The following PRPF6 variants were observed in gnomAD, a reference collection of about 807,000 sequenced individuals.
PRPF6 encodes pre-mRNA-processing factor 6.
A neutral mutation model predicts 118.3 loss-of-function variants in PRPF6; 42 were observed. The observed-to-expected ratio is 0.35, with a 90% CI of 0.28 to 0.46. The LOEUF (loss-of-function observed/expected upper bound fraction) is 0.46. Ranked by LOEUF, PRPF6 falls within the 20% of genes least tolerant of loss-of-function variation. PRPF6 has a pLI of 1.00. For synonymous variants in PRPF6, 481 were observed against 485.1 expected (o/e 0.99, Z 0.11); for missense variants, 662 against 1,255.7 (o/e 0.53, Z 7.15).
At chr20:64,006,980 C>T (rs915876212) in intron 9 of PRPF6, among the ~76,000 whole-genome samples, 1 of 152,234 alleles carries the variant, frequency 6.6e-6, no homozygotes, top group African/African-American at 2.4e-5. Context: ...CAGAACCATG[C>T]GTAAACCACA....
At chr20:63,993,757 CTTTTTTT>C (rs1042222409) in intron 4 of PRPF6, among the ~76,000 whole-genome samples, 1 of 143,724 alleles carries the variant, frequency 7.0e-6, no homozygotes, top group African/African-American at 2.5e-5. Flanking sequence ...TTTCTTTTTT[CTTTTTTT>C]TTTTGGAGGC....
At chr20:64,031,042 TA>T (rs2059311763) in intron 19 of PRPF6, among the ~76,000 whole-genome samples, 1 of 152,264 alleles carries the variant, frequency 6.6e-6, no homozygotes, top group Non-Finnish European at 1.5e-5. Flanking sequence ...TGCACACCCT[TA>T]CCTGGCCTCT....
chr20:64,017,726 C>G (rs929444708), intron 12 of PRPF6, among the ~76,000 whole-genome samples: 1 of 152,258 alleles, frequency 6.6e-6, no homozygotes, highest in African/African-American at 2.4e-5. Context: ...GCACTTACCT[C>G]TTATTTTTTT....
chr20:63,994,158 C>CTTTTTTT (rs1158030989), intron 4 of PRPF6, among the ~76,000 whole-genome samples: 1 of 138,382 alleles, frequency 7.2e-6, no homozygotes, highest in Non-Finnish European at 1.6e-5. Flanking sequence ...TTTTCTTTTT[C>CTTTTTTT]TTTTTTTTTT....
intron 3 of PRPF6, among the ~76,000 whole-genome samples, chr20:63,985,854 T>A (rs1165219088): frequency 6.6e-6 from 1 of 152,180 alleles, no homozygotes; most frequent in African/African-American, 2.4e-5. Flanking sequence ...CCAATTCTAC[T>A]CAGACTATTC....
At chr20:64,015,017 C>G (rs1280047106) in intron 11 of PRPF6, among the ~76,000 whole-genome samples, 1 of 152,076 alleles carries the variant, frequency 6.6e-6, no homozygotes, top group African/African-American at 2.4e-5. Context: ...TATTGAAATC[C>G]TTTGCCTACT....
intron 8 of PRPF6, among the ~76,000 whole-genome samples, chr20:64,000,396 G>A (rs1332658520): frequency 2.7e-5 from 4 of 146,596 alleles, no homozygotes; most frequent in African/African-American, 1.0e-4. Context: ...GGTGGAGGTT[G>A]CAGTGAGCTG....
chr20:64,000,273 G>C (rs928992869), intron 8 of PRPF6, among the ~76,000 whole-genome samples: 5 of 152,034 alleles, frequency 3.3e-5, no homozygotes. Context: ...TGGATCACTT[G>C]AGGTCAGGAG....
chr20:63,987,253 T>C (rs1271763494), intron 3 of PRPF6, among the ~76,000 whole-genome samples: 1 of 146,034 alleles, frequency 6.8e-6, no homozygotes, highest in Non-Finnish European at 1.5e-5. Context: ...ACGCCTGTAA[T>C]CACAGCCCTT....
rs139544838 is a variant in PRPF6, at chr20:64,011,189, C to T, written c.1306-96C>T. ...ATGGTTCTCGAGAGCTAAGAAAGAA[C>T]GTGGTGGCCAACGCTGGAGGGTGGG... is the stretch of plus-strand genomic sequence containing the variant. On this transcript the variant is annotated intron_variant, in intron 10 of 20. Transcript: ENST00000266079. The surrounding 1 kb of genome is among the most constrained non-coding windows in gnomAD (Gnocchi z 6.7). 9.3e-5 allele frequency: 101 copies of T among 1,083,818 alleles called. No homozygotes were observed. The highest frequency in any genetic ancestry group is 1.3e-4 in the Non-Finnish European group (92 of 720,806). 67.1% of individuals were successfully genotyped at this position (1,083,818 alleles called of 1,614,324 possible).
At chr20:64,015,735 A>G (rs1198178536) in intron 11 of PRPF6, among the ~76,000 whole-genome samples, 1 of 152,202 alleles carries the variant, frequency 6.6e-6, no homozygotes, top group East Asian at 1.9e-4. Flanking sequence ...TATAAGATTT[A>G]TGCCCCCTTC....
Position 64,011,192 on chromosome 20 carries a change from G to C in PRPF6, c.1306-93G>C. On this transcript the variant is annotated intron_variant, in intron 10 of 20. Coordinates refer to ENST00000266079, the MANE Select transcript of PRPF6 (RefSeq NM_012469.4). The surrounding 1 kb of genome is among the most constrained non-coding windows in gnomAD (Gnocchi z 6.7). ...GTTCTCGAGAGCTAAGAAAGAACGT[G>C]GTGGCCAACGCTGGAGGGTGGGTCG... 6.2e-6 allele frequency: 7 copies of C among 1,129,150 alleles called. No homozygotes were observed. Among genetic ancestry groups the C allele is most frequent in the Non-Finnish European group, 9.2e-6 (7 of 760,110 alleles). The allele number at this position is 1,129,150 out of a possible 1,614,324, so 69.9% of individuals were successfully genotyped here. A position where few individuals can be genotyped will look rare whatever the true frequency, so the allele number is the denominator to read the frequency against.
intron 13 of PRPF6, 80 bp from the exon 14 acceptor site, chr20:64,024,475 G>A (rs759219678): frequency 2.6e-5 from 41 of 1,565,434 alleles, no homozygotes; most frequent in East Asian, 6.8e-5. Flanking sequence ...TCTTTCTGGC[G>A]TGCCCACGCC....
chr20:63,984,673 C>T (rs2059085817), intron 2 of PRPF6, among the ~76,000 whole-genome samples: 1 of 152,194 alleles, frequency 6.6e-6, no homozygotes, highest in African/African-American at 2.4e-5. Flanking sequence ...CAGGATCCCC[C>T]ATTGCATTTC....
At chr20:64,031,050 C>T (rs1208811625) in intron 19 of PRPF6, among the ~76,000 whole-genome samples, 2 of 152,250 alleles carry the variant, frequency 1.3e-5, no homozygotes, top group Non-Finnish European at 2.9e-5. Context: ...CTTACCTGGC[C>T]TCTCATAGCA....
At chr20:64,008,388 A>G (rs1210989634) in intron 9 of PRPF6, among the ~76,000 whole-genome samples, 1 of 151,658 alleles carries the variant, frequency 6.6e-6, no homozygotes, top group Non-Finnish European at 1.5e-5. Flanking sequence ...ATTGGAAGGT[A>G]GATTTGGAGA....
At position 64,029,410 on chromosome 20, in the gene PRPF6, C is replaced by T; in HGVS notation, c.2465C>T (p.Ala822Val). 1 of 1,614,176 alleles carries T rather than the reference C, an allele frequency of 6.2e-7. No individual in the cohort carries two copies. Among genetic ancestry groups the T allele is most frequent in the Non-Finnish European group, 8.5e-7 (1 of 1,180,008 alleles). The part of the protein sequence containing the change: ...ILWSEAIFLE[A>V]RPQRRTKSVD... ...TGGTCTGAGGCCATCTTCCTCGAGG[C>T]AAGGCCCCAGAGGAGGACCAAGAGC... is the stretch of plus-strand genomic sequence containing the variant. The change falls in exon 19 of 21, where the codon GCA becomes GTA. Residue 822 changes from alanine (A) to valine (V), a missense_variant. This residue lies in a region of PRPF6 where 244 missense variants were observed against 383.7 expected (regional missense o/e 0.64). Coordinates refer to ENST00000266079, the MANE Select transcript of PRPF6 (RefSeq NM_012469.4). The surrounding 1 kb of genome is among the most constrained non-coding windows in gnomAD (Gnocchi z 4.8).
chr20:64,015,398 T>C (rs2123062245), intron 11 of PRPF6, among the ~76,000 whole-genome samples: 1 of 152,342 alleles, frequency 6.6e-6, no homozygotes, highest in South Asian at 2.1e-4. Context: ...ATCCTTGCTC[T>C]TGGCTCTGCT....
chr20:64,022,409 G>A (rs2059270809), intron 12 of PRPF6, among the ~76,000 whole-genome samples: 1 of 152,180 alleles, frequency 6.6e-6, no homozygotes, highest in Non-Finnish European at 1.5e-5. Flanking sequence ...CTGGGTTCAA[G>A]TGAATCTCCT....
Sources: allele counts gnomAD v4.1 joint callset (sites outside exome capture counted in the v4.1 genomes callset), GRCh38; gene constraint gnomAD v4.1.1; regional missense constraint gnomAD v4.1.1; non-coding constraint Gnocchi (gnomAD v3.1); transcripts MANE v1.5; gene names NCBI Gene and HGNC (gene_info 2026-07-23, HGNC 2026-07-21).